SORL1: variants seen among roughly 807,000 people sequenced by gnomAD.
The protein encoded by SORL1 is sortilin related receptor 1.
SORL1 carries 127 observed loss-of-function variants against 273.7 expected under a neutral mutation model. The ratio of observed to expected loss-of-function variants is 0.46; its 90% CI spans 0.40 to 0.54. SORL1 has a LOEUF of 0.54. Ranked by LOEUF, SORL1 falls within the 20% of genes least tolerant of loss-of-function variation. The probability of loss-of-function intolerance (pLI) is 0.00; values close to 1 mark genes in which losing one functional copy is unlikely to be tolerated. For missense variants in SORL1, 2,494 were observed against 2,846.1 expected, an observed-to-expected ratio of 0.88 and a Z score of 2.81; for synonymous variants, 1,031 against 1,067.4, an observed-to-expected ratio of 0.97 and a Z score of 0.66.
intron 25 of SORL1, among the ~76,000 whole-genome samples, chr11:121,579,576 A>G (rs569288192): frequency 1.3e-5 from 2 of 152,244 alleles, no homozygotes; most frequent in South Asian, 4.1e-4. Flanking sequence ...ACCTGTAGAC[A>G]TTTTATTTGT....
chr11:121,550,221 G>A lies in SORL1; in HGVS notation c.2180+133G>A. 1 of 895,260 alleles carries A rather than the reference G, an allele frequency of 1.1e-6. No homozygotes were observed. The highest frequency in any genetic ancestry group is 1.6e-6 in the Non-Finnish European group (1 of 607,156). 55.5% of individuals were successfully genotyped at this position (895,260 alleles called of 1,614,324 possible). A position where few individuals can be genotyped will look rare whatever the true frequency, so the allele number is the denominator to read the frequency against. On this transcript the variant is annotated intron_variant, in intron 15 of 47. Coordinates refer to ENST00000260197, the MANE Select transcript of SORL1 (RefSeq NM_003105.6). The surrounding 1 kb of genome is among the most constrained non-coding windows in gnomAD (Gnocchi z 5.3). ...AAGTTAACAGCCTGCAAGTAGTTTG[G>A]GCAACATTATAAATTATGGTATTTG...
At chr11:121,510,577 C>G (rs1311300746) in intron 6 of SORL1, among the ~76,000 whole-genome samples, 1 of 152,204 alleles carries the variant, frequency 6.6e-6, no homozygotes, top group African/African-American at 2.4e-5. Flanking sequence ...GTTTAGGCAG[C>G]CTTCTCAGAA....
In SORL1 at chr11:121,504,794, A is replaced by G. The variant is rs148558772; in HGVS notation, c.939+7745A>G. Among the ~76,000 whole-genome samples the G allele has an allele frequency of 2.8e-4, 43 of 152,252 alleles. 1 individual carries two copies. Among genetic ancestry groups the G allele is most frequent in the African/African-American group, 9.4e-4 (39 of 41,538 alleles). On this transcript the variant is annotated intron_variant, in intron 6 of 47. Transcript: ENST00000260197. ...TCCTGATCTTAGGGGAAATGCATTC[A>G]GTCTTATTAAGTATGATTTTTAACT...
chr11:121,545,258 A>G lies in SORL1; in HGVS notation c.1880A>G (p.Glu627Gly). 3.7e-6 allele frequency: 6 copies of G among 1,614,184 alleles called. No individual in the cohort carries two copies. The highest frequency in any genetic ancestry group is 5.1e-6 in the Non-Finnish European group (6 of 1,180,002). ...TTTTCTTTAGGAGTTCCCTGCACAG[A>G]GAATGACTACAAGCTGTGGTCACCA... Reference protein sequence around the residue: ...ATDALGVPCTENDYKLWSPSD... With the variant: ...ATDALGVPCTGNDYKLWSPSD... The change falls in exon 14 of 48, where the codon GAG becomes GGG. Residue 627 changes from glutamate to glycine, a missense_variant. Physicochemically the swap from Glu to Gly is moderately conservative, Grantham distance 98. Around this residue, in one of 3 missense-constraint regions of SORL1, gnomAD observed 710 missense variants for 882.5 expected, o/e 0.80. Coordinates refer to ENST00000260197, the MANE Select transcript of SORL1 (RefSeq NM_003105.6).
chr11:121,568,405 G>A (rs1305332358), intron 22 of SORL1, among the ~76,000 whole-genome samples: 3 of 152,162 alleles, frequency 2.0e-5, no homozygotes, highest in African/African-American at 7.2e-5. Flanking sequence ...CCAAGAGAAG[G>A]GGAAGAAAGC....
intron 35 of SORL1, among the ~76,000 whole-genome samples, chr11:121,606,331 A>G (rs1374614067): frequency 1.3e-5 from 2 of 152,214 alleles, no homozygotes; most frequent in African/African-American, 2.4e-5. Context: ...CTTGAATGTC[A>G]TCTTTTTTCA....
chr11:121,536,225 A>T (rs1228352984), intron 12 of SORL1, among the ~76,000 whole-genome samples: 1 of 152,176 alleles, frequency 6.6e-6, no homozygotes, highest in Non-Finnish European at 1.5e-5. Context: ...GACTCCACGC[A>T]GCAGAGCAGC....
intron 3 of SORL1, 53 bp from the exon 4 acceptor site, chr11:121,487,979 G>A: frequency 6.3e-7 from 1 of 1,596,838 alleles, no homozygotes; most frequent in Middle Eastern, 1.7e-4. Context: ...TTAGGGGAGT[G>A]TTGGGCAGCT....
chr11:121,520,622 A>G (rs1591309986), intron 8 of SORL1, 35 bp from the exon 9 acceptor site: 2 of 1,419,398 alleles, frequency 1.4e-6, no homozygotes, highest in Non-Finnish European at 1.9e-6. Context: ...GCAAATACCA[A>G]TTCAGGTTCA....
rs149532908 is a variant in SORL1 at position 121,577,300 on chromosome 11, T to C, written c.3480T>C (p.Ser1160=). 1.2e-4 allele frequency: 193 copies of C among 1,609,124 alleles called. 1 individual carries two copies. In the African/African-American group the frequency reaches 1.9e-3, roughly 16 times the overall value. The change falls in exon 25 of 48, where the codon AGT becomes AGC. Residue 1160 remains serine (S), a synonymous_variant. Coordinates refer to ENST00000260197, the MANE Select transcript of SORL1 (RefSeq NM_003105.6). ...CTGCAGAAATGCACCAGTGCCGGAG[T>C]GACGAGTACAACTGCAGTTCCGGCA... ...ESHCEMHQCR[S]DEYNCSSGMC...
At chr11:121,576,964 C>G (rs1315288422) in intron 24 of SORL1, 33 of 1,517,012 alleles carry the variant, frequency 2.2e-5, no homozygotes, top group African/African-American at 2.8e-5. Flanking sequence ...AACCTTCTTC[C>G]CATCATAGCA....
rs570196602 is a variant in SORL1, at chr11:121,591,215, G to A, written c.4369+59G>A. ...CTGCTATTGTGGAGAGGACCTTCTG[G>A]GGGTGTGCTCTGGGCACAATCCAAC... is the stretch of plus-strand genomic sequence containing the variant. On this transcript the variant is annotated intron_variant, in intron 31 of 47. Transcript: ENST00000260197. 4.8e-4 allele frequency: 755 copies of A among 1,583,374 alleles called. 1 individual carries two copies. The highest frequency in any genetic ancestry group is 1.3e-3 in the Middle Eastern group (7 of 5,274).
chr11:121,549,245 C>T (rs1036655753), intron 14 of SORL1, among the ~76,000 whole-genome samples: 6 of 152,088 alleles, frequency 3.9e-5, no homozygotes, highest in African/African-American at 2.4e-5. Flanking sequence ...TTTTCTGAGA[C>T]AGGGGCTTGC....
intron 1 of SORL1, among the ~76,000 whole-genome samples, chr11:121,456,894 C>G (rs1389896424): frequency 6.6e-6 from 1 of 152,172 alleles, no homozygotes; most frequent in African/African-American, 2.4e-5. Context: ...CTTTAGATCT[C>G]TTTTGAGTAG....
chr11:121,579,963 G>A (rs548051136), intron 25 of SORL1, among the ~76,000 whole-genome samples: 12 of 152,198 alleles, frequency 7.9e-5, no homozygotes, highest in Middle Eastern at 6.8e-3. Flanking sequence ...GTAATTTTCC[G>A]TATTTTCATA....
At chr11:121,580,417 C>A (rs1394473786) in intron 25 of SORL1, among the ~76,000 whole-genome samples, 1 of 152,192 alleles carries the variant, frequency 6.6e-6, no homozygotes, top group African/African-American at 2.4e-5. Context: ...TCTGCTGTTT[C>A]ACATATACAT....
At chr11:121,496,074 G>A (rs563259008) in intron 5 of SORL1, among the ~76,000 whole-genome samples, 6 of 152,318 alleles carry the variant, frequency 3.9e-5, no homozygotes, top group African/African-American at 1.4e-4. Flanking sequence ...CTTGGAATTG[G>A]ATGCTGCAGA....
In SORL1 at chr11:121,590,021, A is replaced by G; in HGVS notation, c.4079-19A>G. On this transcript the variant is annotated intron_variant, in intron 29 of 47. Coordinates refer to ENST00000260197, the MANE Select transcript of SORL1 (RefSeq NM_003105.6). ...ACTGATGCAGGGAAAGCAACTGATGATGTGGTTGATCTCTGCAGAAAACCC... is the reference window on the plus strand; with the variant it reads ...ACTGATGCAGGGAAAGCAACTGATGGTGTGGTTGATCTCTGCAGAAAACCC... The G allele has an allele frequency of 6.2e-7, 1 of 1,613,012 alleles. No individual in the cohort carries two copies. Among genetic ancestry groups the G allele is most frequent in the Non-Finnish European group, 8.5e-7 (1 of 1,179,348 alleles).
rs761321608 is a variant in SORL1 at position 121,591,060 on chromosome 11, C to T, written c.4273C>T (p.Arg1425Cys). ...GPSTCLPNYY[R>C]CSSGTCVMDT... is the part of the protein sequence containing the mutation. ...CTCCACGTGTCTGCCCAATTACTAC[C>T]GCTGCAGCAGTGGGACCTGCGTGAT... The change falls in exon 31 of 48, where the codon CGC (arginine) becomes TGC (cysteine). Residue 1425 changes from arginine (R) to cysteine (C), a missense_variant. Coordinates refer to ENST00000260197, the MANE Select transcript of SORL1 (RefSeq NM_003105.6). 2.5e-6 allele frequency: 4 copies of T among 1,614,224 alleles called. No homozygotes were observed. Among genetic ancestry groups the T allele is most frequent in the Non-Finnish European group, 2.5e-6 (3 of 1,180,022 alleles).
Sources: allele counts gnomAD v4.1 joint callset (sites outside exome capture counted in the v4.1 genomes callset), GRCh38; gene constraint gnomAD v4.1.1; regional missense constraint gnomAD v4.1.1; non-coding constraint Gnocchi (gnomAD v3.1); transcripts MANE v1.5; gene names NCBI Gene and HGNC (gene_info 2026-07-23, HGNC 2026-07-21).